Variants in KANSL1 observed in about 807,000 individuals in gnomAD.
KANSL1 encodes KAT8 regulatory NSL complex subunit 1.
KANSL1 carries 22 observed loss-of-function variants against 103.6 expected under a neutral mutation model. That is an observed-to-expected ratio of 0.21 (90% CI 0.15 to 0.30). The LOEUF (loss-of-function observed/expected upper bound fraction) is 0.30. Ranked by LOEUF, KANSL1 falls within the 10% of genes least tolerant of loss-of-function variation. The pLI is 1.00. For synonymous variants in KANSL1, 600 were observed against 527.6 expected, an observed-to-expected ratio of 1.14 and a Z score of -1.88; for missense variants, 1,337 against 1,399.8, an observed-to-expected ratio of 0.96 and a Z score of 0.72.
At chr17:46,167,301 CAAAG>C (rs2046055539) in intron 2 of KANSL1, among the ~76,000 whole-genome samples, 1 of 151,754 alleles carries the variant, frequency 6.6e-6, no homozygotes, top group Admixed American at 6.6e-5. Context: ...GAGGGAAAAA[CAAAG>C]AATATAAAAG....
At position 46,208,734 on chromosome 17, in the gene KANSL1, T is replaced by A. The variant is rs2048058729; in HGVS notation, c.-90+14937A>T. Among the ~76,000 whole-genome samples, 3 of 151,192 alleles carry A rather than the reference T, an allele frequency of 2.0e-5. No individual in the cohort carries two copies. In the South Asian group the frequency reaches 6.2e-4, roughly 31 times the overall value. On this transcript the variant is annotated intron_variant, in intron 1 of 14. Transcript: ENST00000572904. ...TTCCCTTCCTCTCCGCGTCAGTCTG[T>A]CCCACCTCAGCTCAGCCCACCGGAG...
intron 2 of KANSL1, among the ~76,000 whole-genome samples, chr17:46,144,118 G>A (rs2044572279): frequency 6.6e-6 from 1 of 152,150 alleles, no homozygotes; most frequent in African/African-American, 2.4e-5. Context: ...TTATAATTAG[G>A]TCAAGGAAAG....
chr17:46,074,686 T>TGA (rs1392035324), intron 4 of KANSL1, among the ~76,000 whole-genome samples: 3 of 151,852 alleles, frequency 2.0e-5, no homozygotes. Flanking sequence ...GGAGGATAGC[T>TGA]GAGCCAGGGA....
intron 2 of KANSL1, among the ~76,000 whole-genome samples, chr17:46,112,542 G>A (rs145591718): frequency 0.01 from 1,549 of 150,804 alleles, 10 homozygotes; most frequent in Middle Eastern, 0.034. Flanking sequence ...AAAATTAGCC[G>A]GACATGGTGG....
At chr17:46,143,894 C>T (rs1313871536) in intron 2 of KANSL1, among the ~76,000 whole-genome samples, 1 of 151,572 alleles carries the variant, frequency 6.6e-6, no homozygotes, top group South Asian at 2.1e-4. Flanking sequence ...GAGTGATATC[C>T]GAGGACCACA....
chr17:46,125,282 T>A (rs1420625266), intron 2 of KANSL1, among the ~76,000 whole-genome samples: 1 of 152,206 alleles, frequency 6.6e-6, no homozygotes, highest in Non-Finnish European at 1.5e-5. Flanking sequence ...ATAAATATTT[T>A]AAAATTAAGG....
At chr17:46,065,247 G>C (rs1028278553) in intron 6 of KANSL1, among the ~76,000 whole-genome samples, 1 of 151,906 alleles carries the variant, frequency 6.6e-6, no homozygotes, top group African/African-American at 2.4e-5. Flanking sequence ...AGGATTACAG[G>C]TATGAGCCAC....
chr17:46,195,820 G>A (rs1476552170), upstream of KANSL1, among the ~76,000 whole-genome samples: 1 of 152,164 alleles, frequency 6.6e-6, no homozygotes, highest in African/African-American at 2.4e-5. Flanking sequence ...TTACAGGCAT[G>A]AGCCACCACA....
intron 2 of KANSL1, among the ~76,000 whole-genome samples, chr17:46,145,504 T>C (rs2044651185): frequency 6.6e-6 from 1 of 152,274 alleles, no homozygotes; most frequent in African/African-American, 2.4e-5. Flanking sequence ...AAAACACTGT[T>C]GTGCTAAACT....
intron 6 of KANSL1, among the ~76,000 whole-genome samples, chr17:46,054,055 G>T (rs775619790): frequency 2.0e-5 from 3 of 152,050 alleles, no homozygotes; most frequent in Non-Finnish European, 4.4e-5. Context: ...GCCCAGGAGT[G>T]AGGAGCTATA....
At chr17:46,146,027 C>G (rs1028314570) in intron 2 of KANSL1, among the ~76,000 whole-genome samples, 7 of 152,068 alleles carry the variant, frequency 4.6e-5, no homozygotes, top group African/African-American at 1.7e-4. Flanking sequence ...ACCGTGCCAG[C>G]CCATACTAGC....
At chr17:46,140,463 G>A (rs2044364100) in intron 2 of KANSL1, among the ~76,000 whole-genome samples, 2 of 151,894 alleles carry the variant, frequency 1.3e-5, no homozygotes, top group Non-Finnish European at 2.9e-5. Flanking sequence ...AAGCATAGGA[G>A]TAAATTCTTC....
intron 2 of KANSL1, among the ~76,000 whole-genome samples, chr17:46,122,535 A>G (rs988098905): frequency 6.6e-6 from 1 of 152,210 alleles, no homozygotes; most frequent in Non-Finnish European, 1.5e-5. Context: ...ATCGACTACA[A>G]AAGTGGGTTA....
chr17:46,154,119 G>A (rs1399667503), intron 2 of KANSL1, among the ~76,000 whole-genome samples: 1 of 152,216 alleles, frequency 6.6e-6, no homozygotes, highest in Non-Finnish European at 1.5e-5. Flanking sequence ...TGGCAGGAGT[G>A]GGAGTACAAA....
At chr17:46,189,506 C>T (rs1031840048) in intron 1 of KANSL1, among the ~76,000 whole-genome samples, 28 of 152,132 alleles carry the variant, frequency 1.8e-4, no homozygotes, top group Non-Finnish European at 3.8e-4. Context: ...AAAAGGAATA[C>T]GCATTACTCT....
At chr17:46,053,226 T>C (rs1333763944) in intron 6 of KANSL1, among the ~76,000 whole-genome samples, 1 of 151,550 alleles carries the variant, frequency 6.6e-6, no homozygotes, top group Non-Finnish European at 1.5e-5. Flanking sequence ...GAGGTTGCAG[T>C]GAGCTGAGAT....
intron 3 of KANSL1, among the ~76,000 whole-genome samples, chr17:46,090,078 AAT>A (rs1425382948): frequency 6.6e-6 from 1 of 152,232 alleles, no homozygotes; most frequent in Non-Finnish European, 1.5e-5. Flanking sequence ...CTCTAAATTC[AAT>A]ATGACTGGTG....
At chr17:46,191,908 A>G (rs115265531) in intron 1 of KANSL1, among the ~76,000 whole-genome samples, 441 of 151,892 alleles carry the variant, frequency 2.9e-3, no homozygotes, top group African/African-American at 9.9e-3. Flanking sequence ...TAGGAGCACT[A>G]AACTCCAGCC....
intron 2 of KANSL1, among the ~76,000 whole-genome samples, chr17:46,164,392 A>C (rs2045896511): frequency 6.6e-6 from 1 of 152,274 alleles, no homozygotes; most frequent in Non-Finnish European, 1.5e-5. Context: ...AGAAAAAAAC[A>C]CAAGTTCCTA....
Sources: allele counts gnomAD v4.1 joint callset (sites outside exome capture counted in the v4.1 genomes callset), GRCh38; gene constraint gnomAD v4.1.1; transcripts MANE v1.5; gene names NCBI Gene and HGNC (gene_info 2026-07-23, HGNC 2026-07-21).